The following PDE4D variants were observed in gnomAD, a reference collection of about 807,000 sequenced individuals.
PDE4D encodes the protein 3',5'-cyclic-AMP phosphodiesterase 4D.
A neutral mutation model predicts 87.4 loss-of-function variants in PDE4D; 24 were observed. The observed-to-expected ratio is 0.27, with a 90% CI of 0.20 to 0.39. The LOEUF (loss-of-function observed/expected upper bound fraction) is 0.39. Ranked by LOEUF, PDE4D falls within the 10% of genes least tolerant of loss-of-function variation. PDE4D has a pLI of 1.00. For synonymous variants in PDE4D, 384 were observed against 383.2 expected (o/e 1.00, Z -0.02); for missense variants, 714 against 1,041.0 (o/e 0.69, Z 4.32).
intron 3 of PDE4D, among the ~76,000 whole-genome samples, chr5:59,914,991 G>C (rs1385843492): frequency 6.6e-6 from 1 of 151,856 alleles, no homozygotes; most frequent in Admixed American, 6.6e-5. Flanking sequence ...CTTCTATTGA[G>C]TGAAGTGGGG....
intron 1 of PDE4D, among the ~76,000 whole-genome samples, chr5:59,233,275 C>A (rs1476423752): frequency 6.6e-6 from 1 of 152,058 alleles, no homozygotes; most frequent in Non-Finnish European, 1.5e-5. Context: ...CAAAATATCC[C>A]ATTATCCTAT....
At position 59,893,479 on chromosome 5, in the gene PDE4D, G is replaced by T; in HGVS notation, c.144C>A (p.Phe48Leu). ...GGTGGTGATGGGGATGCAGGAGGCG[G>T]AACTGGGGCTGCCGGAGCGGGTACT... ...HHQYPLRQPQ[F>L]RLLHPHHHLP... Residue 48 changes from phenylalanine to leucine, a missense_variant, in exon 1 of 15, where the codon TTC becomes TTA. Phe to Leu is a conservative substitution (Grantham distance 22). This residue lies in a region of PDE4D where 268 missense variants were observed against 272.9 expected (regional missense o/e 0.98). Transcript: ENST00000340635. 1 of 1,539,498 alleles carries T rather than the reference G, an allele frequency of 6.5e-7. No individual in the cohort carries two copies. Among genetic ancestry groups the T allele is most frequent in the Non-Finnish European group, 8.8e-7 (1 of 1,141,946 alleles).
chr5:59,680,130 G>A (rs565071259), intron 1 of PDE4D, among the ~76,000 whole-genome samples: 1 of 151,952 alleles, frequency 6.6e-6, no homozygotes, highest in Non-Finnish European at 1.5e-5. Context: ...ATAATTAATG[G>A]CATTGCTTTT....
At chr5:59,339,762 GTC>G (rs904345706) in intron 1 of PDE4D, among the ~76,000 whole-genome samples, 1 of 152,120 alleles carries the variant, frequency 6.6e-6, no homozygotes, top group Admixed American at 6.6e-5. Flanking sequence ...AAATGTTGGT[GTC>G]TTAGCCTCAG....
At chr5:59,225,652 T>C (rs978372970) in intron 1 of PDE4D, among the ~76,000 whole-genome samples, 1 of 149,534 alleles carries the variant, frequency 6.7e-6, no homozygotes, top group Admixed American at 6.6e-5. Context: ...CAAGTGGGAC[T>C]ACATCAAAAT....
At chr5:59,595,330 A>T (rs553544285) in intron 1 of PDE4D, among the ~76,000 whole-genome samples, 20 of 152,332 alleles carry the variant, frequency 1.3e-4, no homozygotes, top group Non-Finnish European at 2.5e-4. Context: ...ACATTATTTC[A>T]TTTAGGAAAC....
intron 1 of PDE4D, among the ~76,000 whole-genome samples, chr5:60,220,762 GT>G (rs1490101199): frequency 6.6e-6 from 1 of 151,996 alleles, no homozygotes; most frequent in Non-Finnish European, 1.5e-5. Flanking sequence ...AATTACAATG[GT>G]TAATAAACAC....
In PDE4D at chr5:59,341,247, T is replaced by C. The variant is rs980713808; in HGVS notation, c.456-125279A>G. Among the ~76,000 whole-genome samples the C allele has an allele frequency of 2.6e-4, 40 of 152,178 alleles. 1 individual carries two copies. Among genetic ancestry groups the C allele is most frequent in the Non-Finnish European group, 7.3e-5 (5 of 68,034 alleles). Reference sequence around the variant, plus strand: ...CAATGTGTTTATCAGTTCAGAGTTATTACATTTGCAAGGGAGGGTAGAGAA... The same window carrying C: ...CAATGTGTTTATCAGTTCAGAGTTACTACATTTGCAAGGGAGGGTAGAGAA... On this transcript the variant is annotated intron_variant, in intron 1 of 14. Coordinates refer to ENST00000340635, the MANE Select transcript of PDE4D (RefSeq NM_001104631.2).
chr5:60,332,275 C>T (rs1194056974), intron 1 of PDE4D, among the ~76,000 whole-genome samples: 2 of 152,088 alleles, frequency 1.3e-5, no homozygotes, highest in Admixed American at 6.5e-5. Context: ...TCTATTGATC[C>T]TGTTGTCCAG....
intron 1 of PDE4D, among the ~76,000 whole-genome samples, chr5:59,820,378 T>C (rs947551463): frequency 6.6e-6 from 1 of 152,230 alleles, no homozygotes; most frequent in Non-Finnish European, 1.5e-5. Context: ...CAGATGAGGC[T>C]CACTTTTGCT....
At chr5:59,733,211 G>A (rs1377317569) in intron 1 of PDE4D, among the ~76,000 whole-genome samples, 1 of 152,046 alleles carries the variant, frequency 6.6e-6, no homozygotes, top group African/African-American at 2.4e-5. Flanking sequence ...ATTTTTATTG[G>A]TGGTGATATT....
chr5:59,108,955 ATGTGTGTGTGTGTG>A lies in PDE4D; in HGVS notation c.809-69998_809-69985del, dbSNP rs57004711. Among the ~76,000 whole-genome samples, 579 of 121,870 alleles carry A rather than the reference ATGTGTGTGTGTGTG, an allele frequency of 4.8e-3. 5 individuals are homozygous for A. The highest frequency in any genetic ancestry group is 0.016 in the African/African-American group (522 of 31,832). 80.0% of individuals were successfully genotyped at this position (121,870 alleles called of 152,430 possible). The stretch of plus-strand genomic sequence containing the variant: ...AAAAAAACAAATTCATAGGAACTCA[ATGTGTGTGTGTGTG>A]TGTGTGTGTGTGTGTGTGTGTGTGT... On this transcript the variant is annotated intron_variant, in intron 5 of 14. Coordinates refer to ENST00000340635, the MANE Select transcript of PDE4D (RefSeq NM_001104631.2).
At chr5:60,278,997 G>T (rs545407805) in intron 1 of PDE4D, among the ~76,000 whole-genome samples, 1 of 152,254 alleles carries the variant, frequency 6.6e-6, no homozygotes, top group African/African-American at 2.4e-5. Context: ...TATGTTAAGA[G>T]ATGCCATTTC....
intron 1 of PDE4D, among the ~76,000 whole-genome samples, chr5:59,713,655 C>T (rs1045421896): frequency 1.3e-5 from 2 of 152,102 alleles, no homozygotes; most frequent in Admixed American, 6.5e-5. Flanking sequence ...AATGTGGCCA[C>T]GACATGGGTT....
At position 60,322,394 on chromosome 5, in the gene PDE4D, AC is replaced by A. The variant is rs1562323015; in HGVS notation, c.-89-136708del. On this transcript the variant is annotated intron_variant, in intron 1 of 16. Transcript: ENST00000502484. ...CACACACACACACACACACACACACACACACACACACACACACACACAAAAC... is the reference window on the plus strand; with the variant it reads ...CACACACACACACACACACACACACAACACACACACACACACACACAAAAC... 9.8e-4 allele frequency among the ~76,000 whole-genome samples: 149 copies of A among 151,282 alleles called. 2 individuals are homozygous for A. In the South Asian group the frequency reaches 0.013, roughly 13 times the overall value.
At chr5:60,325,181 G>A (rs1756669979) in intron 1 of PDE4D, among the ~76,000 whole-genome samples, 1 of 152,130 alleles carries the variant, frequency 6.6e-6, no homozygotes, top group South Asian at 2.1e-4. Flanking sequence ...TCCCTAAGCT[G>A]ATCCCTGAAC....
intron 2 of PDE4D, among the ~76,000 whole-genome samples, chr5:60,145,285 C>T (rs1780892047): frequency 1.3e-5 from 2 of 152,174 alleles, no homozygotes; most frequent in South Asian, 4.1e-4. Flanking sequence ...TCTGAGCCCT[C>T]CATGTGGCAC....
chr5:59,956,480 A>T (rs1365518304), intron 3 of PDE4D, among the ~76,000 whole-genome samples: 4 of 152,192 alleles, frequency 2.6e-5, no homozygotes, highest in African/African-American at 4.8e-5. Context: ...TGTGGAAAAA[A>T]AAAGCAAGAA....
intron 1 of PDE4D, among the ~76,000 whole-genome samples, chr5:59,467,538 AT>A (rs1801761394): frequency 2.6e-5 from 4 of 152,212 alleles, no homozygotes; most frequent in Admixed American, 6.5e-5. Context: ...ATTTACTCAC[AT>A]TGGATAGATA....
Sources: allele counts gnomAD v4.1 joint callset (sites outside exome capture counted in the v4.1 genomes callset), GRCh38; gene constraint gnomAD v4.1.1; regional missense constraint gnomAD v4.1.1; transcripts MANE v1.5; gene names NCBI Gene and HGNC (gene_info 2026-07-23, HGNC 2026-07-21).